Variants in KIF18A observed in about 807,000 individuals in gnomAD.
The protein encoded by KIF18A is kinesin-like protein KIF18A.
Under a neutral mutation model 103.3 loss-of-function variants are expected in KIF18A, and 67 were observed. The observed-to-expected ratio is 0.65, with a 90% CI of 0.53 to 0.79. KIF18A has a LOEUF of 0.79. Among genes scored for constraint, KIF18A ranks in the 30% least tolerant of loss-of-function variants. The probability of loss-of-function intolerance (pLI) is 0.00; values close to 1 mark genes in which losing one functional copy is unlikely to be tolerated. For missense variants in KIF18A, 1,032 were observed against 1,062.5 expected (o/e 0.97, Z 0.40); for synonymous variants, 367 against 355.5 (o/e 1.03, Z -0.36).
intron 4 of KIF18A, 98 bp downstream of exon 4, chr11:28,091,311 T>C (rs1450767378): frequency 4.8e-6 from 3 of 626,384 alleles, no homozygotes; most frequent in Non-Finnish European, 5.6e-6. Context: ...ATTAGTTTTT[T>C]TTCTCAAACA....
rs909860297 is a variant in KIF18A, at chr11:28,023,345, A to C, written c.2614+396T>G. On this transcript the variant is annotated intron_variant, in intron 16 of 16. Transcript: ENST00000263181. Reference sequence around the variant, plus strand: ...TAGTTACACATTGAGTTAGAGGCCAAATTATTCAAAATATTACGCTAAGAG... The same window carrying C: ...TAGTTACACATTGAGTTAGAGGCCACATTATTCAAAATATTACGCTAAGAG... Among the ~76,000 whole-genome samples, 23 of 152,224 alleles carry C rather than the reference A, an allele frequency of 1.5e-4. No homozygotes were observed. The South Asian group carries it at 1.9e-3, about 12-fold the overall frequency.
At position 28,057,244 on chromosome 11, in the gene KIF18A, G is replaced by A. The variant is rs920572674; in HGVS notation, c.1948+1682C>T. On this transcript the variant is annotated intron_variant, in intron 13 of 16. Transcript: ENST00000263181. ...TTTAAAAGACTATGCAGCTGGGCGC[G>A]GTGGCTCACGCCTGTAATCCCAGCA... Among the ~76,000 whole-genome samples the A allele has an allele frequency of 7.9e-5, 12 of 152,188 alleles. No individual in the cohort carries two copies. The East Asian group carries it at 1.2e-3, about 15-fold the overall frequency.
intron 12 of KIF18A, among the ~76,000 whole-genome samples, chr11:28,061,341 T>A (rs1850853850): frequency 6.6e-6 from 1 of 152,144 alleles, no homozygotes; most frequent in Non-Finnish European, 1.5e-5. Flanking sequence ...AAACTCATCC[T>A]CTTTCTTCTA....
intron 1 of KIF18A, among the ~76,000 whole-genome samples, chr11:28,101,311 T>C (rs982764186): frequency 2.0e-5 from 3 of 152,198 alleles, no homozygotes; most frequent in Admixed American, 6.6e-5. Flanking sequence ...TTAACAGATA[T>C]ACTATTTTTA....
chr11:28,037,841 AT>A (rs1410155282), intron 13 of KIF18A, among the ~76,000 whole-genome samples: 1 of 151,494 alleles, frequency 6.6e-6, no homozygotes, highest in African/African-American at 2.4e-5. Flanking sequence ...TATCTGTACT[AT>A]TCTAACATCT....
Position 28,051,521 on chromosome 11 carries a change from A to G in KIF18A, c.1948+7405T>C, listed in dbSNP as rs1850712038. On this transcript the variant is annotated intron_variant, in intron 13 of 16. Coordinates refer to ENST00000263181, the MANE Select transcript of KIF18A (RefSeq NM_031217.4). The stretch of plus-strand genomic sequence containing the variant: ...TTAACACCAACATAAATTAGGAGAA[A>G]GTGGAAACAAAAATTTAAAAGCTTA... 1.3e-5 allele frequency among the ~76,000 whole-genome samples: 2 copies of G among 152,118 alleles called. 1 individual carries two copies. Among genetic ancestry groups the G allele is most frequent in the East Asian group, 3.9e-4 (2 of 5,190 alleles).
At chr11:28,089,758 A>G (rs1209820020) in intron 5 of KIF18A, among the ~76,000 whole-genome samples, 1 of 152,180 alleles carries the variant, frequency 6.6e-6, no homozygotes, top group Non-Finnish European at 1.5e-5. Context: ...ATTTTAAGCT[A>G]CTCTGTAAGG....
At chr11:28,024,664 A>G (rs561421803) in intron 15 of KIF18A, among the ~76,000 whole-genome samples, 5 of 152,256 alleles carry the variant, frequency 3.3e-5, no homozygotes, top group African/African-American at 2.4e-5. Context: ...GTAAGAAAGA[A>G]TAATGGAAAT....
At chr11:28,077,816 A>G (rs1192656261) in intron 9 of KIF18A, among the ~76,000 whole-genome samples, 3 of 152,160 alleles carry the variant, frequency 2.0e-5, no homozygotes, top group African/African-American at 7.2e-5. Context: ...AACCTAGAAA[A>G]GCTGCTGCAG....
chr11:28,022,414 G>A (rs1490835627), intron 16 of KIF18A, among the ~76,000 whole-genome samples: 1 of 151,928 alleles, frequency 6.6e-6, no homozygotes, highest in Non-Finnish European at 1.5e-5. Context: ...ACAGCCGCCT[G>A]CCACCATGCC....
chr11:28,042,450 G>C (rs1470835886), intron 13 of KIF18A, among the ~76,000 whole-genome samples: 2 of 151,856 alleles, frequency 1.3e-5, no homozygotes, highest in African/African-American at 4.8e-5. Context: ...AGGTCTAATT[G>C]CTCCTCTTAT....
intron 13 of KIF18A, among the ~76,000 whole-genome samples, chr11:28,050,705 A>G (rs527596054): frequency 3.9e-5 from 6 of 151,942 alleles, no homozygotes; most frequent in African/African-American, 1.4e-4. Context: ...TTAATGTCAG[A>G]AATTTTATCA....
chr11:28,090,115 G>A (rs967467402), intron 5 of KIF18A, among the ~76,000 whole-genome samples: 15 of 152,104 alleles, frequency 9.9e-5, no homozygotes, highest in African/African-American at 3.4e-4. Flanking sequence ...AAAAGGACTA[G>A]AAACTATAAG....
intron 6 of KIF18A, 56 bp from the exon 7 acceptor site, chr11:28,084,864 C>G (rs1488873818): frequency 1.4e-6 from 2 of 1,396,562 alleles, no homozygotes; most frequent in African/African-American, 1.4e-5. Flanking sequence ...TGCAAACCTG[C>G]TACCACTTTA....
chr11:28,063,021 C>T (rs1850875684), intron 11 of KIF18A, among the ~76,000 whole-genome samples: 1 of 151,936 alleles, frequency 6.6e-6, no homozygotes, highest in South Asian at 2.1e-4. Context: ...CAGGTTAGTT[C>T]AGTGTTAAAG....
chr11:28,054,563 A>T (rs1418739628), intron 13 of KIF18A, among the ~76,000 whole-genome samples: 4 of 152,168 alleles, frequency 2.6e-5, no homozygotes, highest in Admixed American at 2.6e-4. Context: ...GAATATAGTT[A>T]ATCTAGTAAA....
At chr11:28,042,092 G>T (rs1395685449) in intron 13 of KIF18A, among the ~76,000 whole-genome samples, 2 of 151,740 alleles carry the variant, frequency 1.3e-5, no homozygotes, top group African/African-American at 2.4e-5. Flanking sequence ...TGAGGCAGTA[G>T]AAACTCTTTG....
chr11:28,041,143 A>G (rs1032706195), intron 13 of KIF18A, among the ~76,000 whole-genome samples: 2 of 151,840 alleles, frequency 1.3e-5, no homozygotes, highest in Admixed American at 6.6e-5. Context: ...CATGCTAGGT[A>G]CAGTGGTAAA....
chr11:28,027,610 C>G (rs1343607769), intron 15 of KIF18A, among the ~76,000 whole-genome samples: 2 of 151,858 alleles, frequency 1.3e-5, no homozygotes, highest in Non-Finnish European at 2.9e-5. Flanking sequence ...TATCATACTG[C>G]ACATCAGTTT....
Sources: gnomAD v4.1 joint callset for allele counts (sites outside exome capture counted in the v4.1 genomes callset) on GRCh38, gnomAD v4.1.1 for gene constraint, MANE v1.5 for transcripts, NCBI Gene and HGNC (gene_info 2026-07-23, HGNC 2026-07-21) for gene names.